AFG2A: variants seen among roughly 807,000 people sequenced by gnomAD.
The protein encoded by AFG2A is ATPase family gene 2 protein homolog A.
chr4:123,054,417 C>CT, the AFG2A span, among the ~76,000 whole-genome samples: 37 of 148,846 alleles, frequency 2.5e-4, no homozygotes, highest in African/African-American at 6.7e-4. Flanking sequence ...ATTGAGCATC[C>CT]TTTTTTTTTT....
chr4:123,241,421 A>AAGCTTATCCACTATGATCAAGTC, the AFG2A span, among the ~76,000 whole-genome samples: 682 of 152,304 alleles, frequency 4.5e-3, 6 homozygotes, highest in African/African-American at 0.015. Context: ...GCACATCCAA[A>AAGCTTATCCACTATGATCAAGTC]AGCTTATCCA....
the AFG2A span, among the ~76,000 whole-genome samples, chr4:123,178,053 G>T: frequency 6.6e-6 from 1 of 152,180 alleles, no homozygotes; most frequent in African/African-American, 2.4e-5. Context: ...TAATTTACAT[G>T]AATCTTCATT....
chr4:123,050,562 CT>C, the AFG2A span, among the ~76,000 whole-genome samples: 2 of 152,016 alleles, frequency 1.3e-5, no homozygotes, highest in Non-Finnish European at 2.9e-5. Context: ...TAATGACTTT[CT>C]TTGTCTCTTT....
the AFG2A span, chr4:123,256,880 G>T: frequency 1.3e-5 from 13 of 978,702 alleles, no homozygotes; most frequent in South Asian, 6.2e-4. Context: ...AAATAATTCT[G>T]CAACTTTTCT....
At chr4:123,313,528 CAT>C in the AFG2A span, among the ~76,000 whole-genome samples, 1 of 152,240 alleles carries the variant, frequency 6.6e-6, no homozygotes, top group Non-Finnish European at 1.5e-5. Flanking sequence ...CCCTCCACCA[CAT>C]AGAGACATGC....
chr4:123,291,343 G>A, the AFG2A span, among the ~76,000 whole-genome samples: 48 of 151,918 alleles, frequency 3.2e-4, no homozygotes, highest in Non-Finnish European at 5.7e-4. Flanking sequence ...GATATGTGAG[G>A]TACAATTCTA....
At chr4:123,275,521 A>G in the AFG2A span, among the ~76,000 whole-genome samples, 1 of 152,032 alleles carries the variant, frequency 6.6e-6, no homozygotes, top group Non-Finnish European at 1.5e-5. Flanking sequence ...AGGTTCAAGG[A>G]GTACATGTGC....
chr4:122,934,610 A>C, the AFG2A span: 1 of 1,614,048 alleles, frequency 6.2e-7, no homozygotes, highest in Non-Finnish European at 8.5e-7. Context: ...ATTGATAAAA[A>C]TTCAAAAGAG....
chr4:123,273,665 A>T, the AFG2A span, among the ~76,000 whole-genome samples: 1 of 152,270 alleles, frequency 6.6e-6, no homozygotes, highest in African/African-American at 2.4e-5. Flanking sequence ...TCAAGTGGAA[A>T]ATTCCACACC....
chr4:123,272,805 T>C, the AFG2A span, among the ~76,000 whole-genome samples: 7 of 152,054 alleles, frequency 4.6e-5, no homozygotes, highest in African/African-American at 1.7e-4. Flanking sequence ...TCAAGAATTT[T>C]GAATGAAAAA....
the AFG2A span, among the ~76,000 whole-genome samples, chr4:123,045,406 A>G: frequency 6.6e-6 from 1 of 152,220 alleles, no homozygotes; most frequent in African/African-American, 2.4e-5. Context: ...CAGCGGTCCC[A>G]ATAATTTCCT....
At chr4:123,018,379 G>A in the AFG2A span, among the ~76,000 whole-genome samples, 72 of 152,262 alleles carry the variant, frequency 4.7e-4, no homozygotes, top group African/African-American at 1.5e-3. Context: ...ATAATTTTAC[G>A]GTAGTTATGA....
At chr4:123,089,875 G>A in the AFG2A span, among the ~76,000 whole-genome samples, 11 of 152,052 alleles carry the variant, frequency 7.2e-5, no homozygotes, top group Non-Finnish European at 1.3e-4. Context: ...GAGCCACTGC[G>A]CCTGGCCCGA....
chr4:123,128,624 T>G, the AFG2A span, among the ~76,000 whole-genome samples: 1 of 152,148 alleles, frequency 6.6e-6, no homozygotes, highest in Non-Finnish European at 1.5e-5. Context: ...GTGTTAACAT[T>G]GAATATTCTA....
At chr4:123,177,609 C>T in the AFG2A span, among the ~76,000 whole-genome samples, 6 of 152,120 alleles carry the variant, frequency 3.9e-5, no homozygotes, top group Non-Finnish European at 8.8e-5. Context: ...TGTGTCTTCA[C>T]TTCATCTTCC....
the AFG2A span, among the ~76,000 whole-genome samples, chr4:123,197,145 G>T: frequency 6.6e-6 from 1 of 152,168 alleles, no homozygotes; most frequent in Non-Finnish European, 1.5e-5. Flanking sequence ...ACGGTAAGGA[G>T]CCAAATTCAT....
the AFG2A span, among the ~76,000 whole-genome samples, chr4:123,004,278 C>T: frequency 2.6e-5 from 4 of 152,344 alleles, no homozygotes; most frequent in South Asian, 2.1e-4. Context: ...GGAAATGCCT[C>T]GGCCTGCTTC....
At chr4:123,024,393 A>G in the AFG2A span, among the ~76,000 whole-genome samples, 13 of 152,280 alleles carry the variant, frequency 8.5e-5, no homozygotes, top group African/African-American at 2.9e-4. Context: ...GCAGTAAAAG[A>G]CTGGGCCAAT....
the AFG2A span, among the ~76,000 whole-genome samples, chr4:122,969,968 G>A: frequency 6.6e-6 from 1 of 152,050 alleles, no homozygotes; most frequent in Non-Finnish European, 1.5e-5. Flanking sequence ...TTATAATGGA[G>A]CTGAAAAATT....
Sources: allele counts gnomAD v4.1 joint callset (sites outside exome capture counted in the v4.1 genomes callset), GRCh38; gene constraint gnomAD v4.1.1; transcripts MANE v1.5; gene names NCBI Gene and HGNC (gene_info 2026-07-23, HGNC 2026-07-21).